Variants in STK36 observed in about 807,000 individuals in gnomAD.
STK36 encodes serine/threonine kinase 36.
Under a neutral mutation model 142.2 loss-of-function variants are expected in STK36, and 116 were observed. The observed-to-expected ratio is 0.82, with a 90% CI of 0.70 to 0.95. STK36 has a LOEUF of 0.95. STK36 is among the 40% of genes least tolerant of loss of function. The pLI is 0.00. For missense variants in STK36, 1,422 were observed against 1,617.2 expected (o/e 0.88, Z 2.07); for synonymous variants, 619 against 641.7 (o/e 0.96, Z 0.53).
intron 10 of STK36, among the ~76,000 whole-genome samples, chr2:218,681,900 A>G (rs1474484593): frequency 6.6e-6 from 1 of 152,126 alleles, no homozygotes; most frequent in Non-Finnish European, 1.5e-5. Flanking sequence ...AGGACAGAAC[A>G]TTCAAACCAT....
chr2:218,675,309 T>A, intron 4 of STK36, 34 bp from the exon 5 acceptor site: 1 of 1,580,394 alleles, frequency 6.3e-7, no homozygotes, highest in Non-Finnish European at 8.6e-7. Flanking sequence ...GTTTCTAACC[T>A]TTTTTTTCTT....
Position 218,679,316 on chromosome 2 carries a change from A to G in STK36, c.778+55A>G, listed in dbSNP as rs992236554. 2.0e-6 allele frequency: 3 copies of G among 1,525,282 alleles called. No individual in the cohort carries two copies. In the African/African-American group the frequency reaches 4.1e-5, roughly 21 times the overall value. 94.5% of individuals were successfully genotyped at this position (1,525,282 alleles called of 1,614,324 possible). A position where few individuals can be genotyped will look rare whatever the true frequency, so the allele number is the denominator to read the frequency against. On this transcript the variant is annotated intron_variant, in intron 7 of 26. Transcript: ENST00000295709. ...GACTTCCCAGTACTTCCTCTAAACT[A>G]CTTCCCTTTCACTTCCCCGACCATC... is the stretch of plus-strand genomic sequence containing the variant.
At chr2:218,696,910 T>C in intron 22 of STK36, 129 bp from the exon 23 acceptor site, 2 of 1,302,402 alleles carry the variant, frequency 1.5e-6, no homozygotes, top group Middle Eastern at 1.8e-4. Context: ...AGGGAAATAC[T>C]AGGTGGGAAA....
rs775914216 is a variant in STK36, at chr2:218,693,893, A to G, written c.2248-2A>G. On this transcript the variant is annotated splice_acceptor_variant, in intron 18 of 26. Coordinates refer to ENST00000295709, the MANE Select transcript of STK36 (RefSeq NM_015690.5). LOFTEE classifies it high-confidence loss of function. Reference sequence around the variant, plus strand: ...TTCTGATATCTTAGGTTTCCTTTGTAGGTAAAAGTAGTAGATTGGGAAGAG... The same window carrying G: ...TTCTGATATCTTAGGTTTCCTTTGTGGGTAAAAGTAGTAGATTGGGAAGAG... The G allele has an allele frequency of 3.7e-6, 6 of 1,614,082 alleles. No homozygotes were observed. Among genetic ancestry groups the G allele is most frequent in the Non-Finnish European group, 5.1e-6 (6 of 1,180,032 alleles).
At chr2:218,692,362 T>C in intron 15 of STK36, 69 bp downstream of exon 15, 1 of 1,594,252 alleles carries the variant, frequency 6.3e-7, no homozygotes, top group Non-Finnish European at 8.6e-7. Context: ...GCTCTTTCTA[T>C]TGCCATCACC....
At chr2:218,680,417 A>G (rs1423493812) in intron 9 of STK36, among the ~76,000 whole-genome samples, 186 bp from the exon 10 acceptor site, 1 of 152,216 alleles carries the variant, frequency 6.6e-6, no homozygotes, top group Non-Finnish European at 1.5e-5. Context: ...ACAGTTAAGG[A>G]TATTTGTGTA....
At chr2:218,693,849 CTG>C in intron 18 of STK36, 28 bp downstream of exon 18, 2 of 1,614,030 alleles carry the variant, frequency 1.2e-6, no homozygotes, top group Non-Finnish European at 8.5e-7. Flanking sequence ...GGCAGCCCCA[CTG>C]TCTCAGCCAG....
chr2:218,686,658 G>A lies in STK36; in HGVS notation c.1380+1430G>A, dbSNP rs139207976. Among the ~76,000 whole-genome samples, 307 of 152,300 alleles carry A rather than the reference G, an allele frequency of 2.0e-3. 1 individual carries two copies. Among genetic ancestry groups the A allele is most frequent in the Middle Eastern group, 3.4e-3 (1 of 294 alleles). Reference sequence around the variant, plus strand: ...TCACATTTTGTTTATCCACTCACTAGTTGATTAGATATTGATGTATTGGGT... The same window carrying A: ...TCACATTTTGTTTATCCACTCACTAATTGATTAGATATTGATGTATTGGGT... On this transcript the variant is annotated intron_variant, in intron 11 of 26. Coordinates refer to ENST00000295709, the MANE Select transcript of STK36 (RefSeq NM_015690.5).
At chr2:218,687,320 GA>G (rs1217452556) in intron 11 of STK36, among the ~76,000 whole-genome samples, 1 of 152,154 alleles carries the variant, frequency 6.6e-6, no homozygotes, top group Non-Finnish European at 1.5e-5. Context: ...TTGTGTATAA[GA>G]AATCTTTTCC....
chr2:218,696,640 G>C (rs769765313), intron 22 of STK36, 39 bp downstream of exon 22: 18 of 1,602,570 alleles, frequency 1.1e-5, no homozygotes, highest in Admixed American at 1.7e-5. Flanking sequence ...AGTAAAGAGA[G>C]AGGAACTGGG....
intron 4 of STK36, among the ~76,000 whole-genome samples, 156 bp downstream of exon 4, chr2:218,674,112 A>G (rs1289895490): frequency 6.6e-6 from 1 of 152,152 alleles, no homozygotes; most frequent in Non-Finnish European, 1.5e-5. Context: ...TGTGGGAGTA[A>G]ATTATGTAAA....
Position 218,692,593 on chromosome 2 carries a change from A to G in STK36, c.1926A>G (p.Gln642=). 6.2e-7 allele frequency: 1 copy of G among 1,612,602 alleles called. No homozygotes were observed. The highest frequency in any genetic ancestry group is 8.5e-7 in the Non-Finnish European group (1 of 1,179,760). ...LPVHTPQGAP[Q]VSQPLREQSE... Reference sequence around the variant, plus strand: ...TGCTTTTCTCCACAGGAGCCCCGCAAGTGAGCCAGCCACTGCGAGAGCAGA... The same window carrying G: ...TGCTTTTCTCCACAGGAGCCCCGCAGGTGAGCCAGCCACTGCGAGAGCAGA... The change falls in exon 16 of 27, where the codon CAA becomes CAG. Residue 642 remains glutamine (Q), a synonymous_variant. Transcript: ENST00000295709.
rs575795115 is a variant in STK36 at position 218,672,754 on chromosome 2, T to G, written c.-76T>G. The G allele has an allele frequency of 1.1e-3, 1,652 of 1,472,906 alleles. 5 individuals carry two copies. The highest frequency in any genetic ancestry group is 9.3e-4 in the Non-Finnish European group (981 of 1,055,794). 91.2% of individuals were successfully genotyped at this position (1,472,906 alleles called of 1,614,324 possible). A position where few individuals can be genotyped will look rare whatever the true frequency, so the allele number is the denominator to read the frequency against. The stretch of plus-strand genomic sequence containing the variant: ...TGCCCCAACTAGGCGTCCCAGATGT[T>G]GTGGAACTGTCCCTGGATCTATAGC... On this transcript the variant is annotated 5_prime_UTR_variant, in exon 2 of 27. Coordinates refer to ENST00000295709, the MANE Select transcript of STK36 (RefSeq NM_015690.5).
chr2:218,691,458 C>T (rs897502943), intron 14 of STK36, among the ~76,000 whole-genome samples: 1 of 152,156 alleles, frequency 6.6e-6, no homozygotes, highest in African/African-American at 2.4e-5. Context: ...ATGTCATATG[C>T]TATGAATAGA....
At chr2:218,679,348 T>C (rs1575124304) in intron 7 of STK36, 87 bp downstream of exon 7, 2 of 1,363,946 alleles carry the variant, frequency 1.5e-6, no homozygotes, top group Non-Finnish European at 1.0e-6. Flanking sequence ...CATCTAGATA[T>C]AACATGTCGT....
At chr2:218,683,555 G>A (rs977706793) in intron 10 of STK36, among the ~76,000 whole-genome samples, 1 of 152,130 alleles carries the variant, frequency 6.6e-6, no homozygotes, top group African/African-American at 2.4e-5. Flanking sequence ...TTACAGGCAT[G>A]AGCCACTGCA....
At chr2:218,691,400 A>T (rs1940991427) in intron 14 of STK36, among the ~76,000 whole-genome samples, 1 of 152,136 alleles carries the variant, frequency 6.6e-6, no homozygotes, top group Admixed American at 6.6e-5. Context: ...TTACTGTCTA[A>T]CCTAAATTTT....
chr2:218,675,520 C>CTTTTTTTTTT, intron 5 of STK36, 47 bp downstream of exon 5: 1 of 1,147,714 alleles, frequency 8.7e-7, no homozygotes, highest in Non-Finnish European at 1.1e-6. Context: ...CACACGGAAT[C>CTTTTTTTTTT]TTTTTTTTTT....
chr2:218,683,739 C>G (rs549862149), intron 10 of STK36, among the ~76,000 whole-genome samples: 89 of 152,252 alleles, frequency 5.8e-4, no homozygotes, highest in African/African-American at 2.1e-3. Context: ...TCCCCCTTCC[C>G]CCACCCCACA....
Sources: allele counts gnomAD v4.1 joint callset (sites outside exome capture counted in the v4.1 genomes callset), GRCh38; gene constraint gnomAD v4.1.1; transcripts MANE v1.5; gene names NCBI Gene and HGNC (gene_info 2026-07-23, HGNC 2026-07-21).